Variants in ALPK3 observed in about 807,000 individuals in gnomAD.
ALPK3 encodes the protein alpha-protein kinase 3.
ALPK3 carries 102 observed loss-of-function variants against 140.0 expected under a neutral mutation model. The ratio of observed to expected loss-of-function variants is 0.73; its 90% CI spans 0.62 to 0.86. The LOEUF is 0.86. Among genes scored for constraint, ALPK3 ranks in the 40% least tolerant of loss-of-function variants. ALPK3 has a pLI of 0.00. For synonymous variants in ALPK3, 938 were observed against 898.5 expected (o/e 1.04, Z -0.79); for missense variants, 2,254 against 2,208.2 (o/e 1.02, Z -0.42).
Position 84,840,936 on chromosome 15 carries a change from A to G in ALPK3, c.1653+4A>G. On this transcript the variant is annotated splice_donor_region_variant and intron_variant, in intron 5 of 13. Transcript: ENST00000258888. ...AGGCCACAGGACTCCAGGAGAGGTA[A>G]GTGTGGGTGTTGGGTGCCTGGAGGC... 6.4e-7 allele frequency: 1 copy of G among 1,563,408 alleles called. No homozygotes were observed. The highest frequency in any genetic ancestry group is 2.3e-5 in the East Asian group (1 of 44,266).
chr15:84,857,531 C>T lies in ALPK3; in HGVS notation c.2793C>T (p.Ser931=). Residue 931 remains serine, a synonymous_variant, in exon 6 of 14, where the codon AGC becomes AGT. Coordinates refer to ENST00000258888, the MANE Select transcript of ALPK3 (RefSeq NM_020778.5). ...QSHPPETMAT[S]SEGACAQVPD... ...ACCCACCAGAAACCATGGCCACCAG[C>T]AGTGAGGGGGCCTGCGCCCAGGTAC... is the stretch of plus-strand genomic sequence containing the variant. 6.3e-7 allele frequency: 1 copy of T among 1,592,662 alleles called. No individual in the cohort carries two copies. Among genetic ancestry groups the T allele is most frequent in the South Asian group, 1.1e-5 (1 of 87,068 alleles).
chr15:84,857,773 G>C lies in ALPK3; in HGVS notation c.3035G>C (p.Arg1012Thr). 6.2e-7 allele frequency: 1 copy of C among 1,612,894 alleles called. No individual in the cohort carries two copies. Among genetic ancestry groups the C allele is most frequent in the East Asian group, 2.2e-5 (1 of 44,846 alleles). The change falls in exon 6 of 14, where the codon AGG becomes ACG. Residue 1012 changes from arginine to threonine, a missense_variant. Coordinates refer to ENST00000258888, the MANE Select transcript of ALPK3 (RefSeq NM_020778.5). ...EVAGLSPRTS[R>T]RILERVENNH... ...GCTGGGCTTAGTCCCCGGACATCGA[G>C]GCGCATCCTGGAGCGTGTGGAGAAC...
intron 11 of ALPK3, 119 bp downstream of exon 11, chr15:84,863,759 T>C (rs745713133): frequency 6.4e-6 from 6 of 935,284 alleles, no homozygotes; most frequent in Non-Finnish European, 9.4e-6. Flanking sequence ...GCAAATAGGC[T>C]CACAGCCCCA....
rs370622229 is a variant in ALPK3 at position 84,824,268 on chromosome 15, G to A, written c.182+900G>A. 1.2e-4 allele frequency among the ~76,000 whole-genome samples: 18 copies of A among 152,312 alleles called. 1 individual carries two copies. Among genetic ancestry groups the A allele is most frequent in the East Asian group, 9.6e-4 (5 of 5,182 alleles). On this transcript the variant is annotated intron_variant, in intron 2 of 13. Coordinates refer to ENST00000258888, the MANE Select transcript of ALPK3 (RefSeq NM_020778.5). Reference sequence around the variant, plus strand: ...ATTCTCTGAATCTGCTGCAGAGTCAGGGCAAGGTCTGGGCAGGCTCATGGT... The same window carrying A: ...ATTCTCTGAATCTGCTGCAGAGTCAAGGCAAGGTCTGGGCAGGCTCATGGT...
At chr15:84,838,786 A>AT (rs140758235) in intron 3 of ALPK3, among the ~76,000 whole-genome samples, 194 bp from the exon 4 acceptor site, 3 of 151,686 alleles carry the variant, frequency 2.0e-5, no homozygotes, top group African/African-American at 7.3e-5. Context: ...CGTCCGGGTA[A>AT]TTTTTTTGTA....
At chr15:84,852,710 C>T (rs1164057709) in intron 5 of ALPK3, 8 of 179,810 alleles carry the variant, frequency 4.4e-5, no homozygotes, top group Non-Finnish European at 9.4e-5. Context: ...AAAGCGAAAC[C>T]GTGAATAAGA....
intron 3 of ALPK3, among the ~76,000 whole-genome samples, chr15:84,831,405 C>G (rs1433812712): frequency 6.6e-6 from 1 of 152,072 alleles, no homozygotes; most frequent in Non-Finnish European, 1.5e-5. Flanking sequence ...ATTTTCTTAT[C>G]CTTTATTCCC....
In ALPK3 at chr15:84,856,937, C is replaced by T; in HGVS notation, c.2199C>T (p.Gly733=). The T allele has an allele frequency of 6.2e-7, 1 of 1,613,964 alleles. No homozygotes were observed. Among genetic ancestry groups the T allele is most frequent in the Non-Finnish European group, 8.5e-7 (1 of 1,179,958 alleles). ...QSEQEVATSL[G]PPSRTPKLPP... ...AGCAAGAGGTGGCAACCAGCCTCGG[C>T]CCACCATCCAGAACCCCCAAACTCC... Residue 733 remains glycine, a synonymous_variant, in exon 6 of 14, where the codon GGC becomes GGT. Transcript: ENST00000258888.
rs1414393794 is a variant in ALPK3, at chr15:84,862,752, A to G, written c.4247A>G (p.Tyr1416Cys). Reference sequence around the variant, plus strand: ...AGCGAGGAGCTCCGAGGGGGTGGATATGGGTGTGGCCTTCGGAAGGCCTCC... The same window carrying G: ...AGCGAGGAGCTCCGAGGGGGTGGATGTGGGTGTGGCCTTCGGAAGGCCTCC... ...LVSEELRGGG[Y>C]GCGLRKASQA... Residue 1416 changes from tyrosine (Y) to cysteine (C), a missense_variant, in exon 10 of 14, where the codon TAT becomes TGT. Physicochemically the swap from Tyr to Cys is radical, Grantham distance 194 (BLOSUM62 -2). This residue lies in a region of ALPK3 where 2,088 missense variants were observed against 2,022.9 expected (regional missense o/e 1.03). Transcript: ENST00000258888. 3 of 1,614,114 alleles carry G rather than the reference A, an allele frequency of 1.9e-6. No individual in the cohort carries two copies. The highest frequency in any genetic ancestry group is 4.5e-5 in the East Asian group (2 of 44,848).
At chr15:84,864,122 T>A (rs1342431412) in intron 11 of ALPK3, among the ~76,000 whole-genome samples, 2 of 152,180 alleles carry the variant, frequency 1.3e-5, no homozygotes, top group Admixed American at 6.5e-5. Flanking sequence ...GGTTGAATCC[T>A]CTCTAAAGGT....
At chr15:84,859,698 G>A in intron 7 of ALPK3, 78 bp from the exon 8 acceptor site, 1 of 1,494,150 alleles carries the variant, frequency 6.7e-7, no homozygotes, top group Non-Finnish European at 8.9e-7. Context: ...CAGCCTCTGA[G>A]AGTGGGGTCC....
intron 3 of ALPK3, among the ~76,000 whole-genome samples, chr15:84,832,442 A>G (rs946595391): frequency 1.3e-5 from 2 of 152,224 alleles, no homozygotes; most frequent in Non-Finnish European, 2.9e-5. Context: ...GAGGGAGGGT[A>G]TGAAGATAGA....
At chr15:84,829,079 C>T (rs536605785) in intron 3 of ALPK3, among the ~76,000 whole-genome samples, 1 of 152,280 alleles carries the variant, frequency 6.6e-6, no homozygotes, top group South Asian at 2.1e-4. Flanking sequence ...TACTAAAAGG[C>T]ATATTTCAAA....
At chr15:84,818,680 A>G (rs898899006) in intron 1 of ALPK3, among the ~76,000 whole-genome samples, 3 of 152,222 alleles carry the variant, frequency 2.0e-5, no homozygotes, top group African/African-American at 7.2e-5. Flanking sequence ...GCTGAGTCCT[A>G]CTGACCTTGG....
rs1432395468 is a variant in ALPK3 at position 84,858,416 on chromosome 15, G to T, written c.3678G>T (p.Val1226=). Residue 1226 remains valine, a synonymous_variant, in exon 6 of 14, where the codon GTG becomes GTT. Transcript: ENST00000258888. ...TQGRKASMLE[V]PRAEEELAAG... ...GCAGAAAGGCGAGCATGCTGGAGGT[G>T]CCTCGGGCAGAGGAGGAGCTGGCGG... 1.9e-6 allele frequency: 3 copies of T among 1,558,932 alleles called. No homozygotes were observed. The Admixed American group carries it at 5.8e-5, about 30-fold the overall frequency.
At chr15:84,848,612 C>T (rs978218484) in intron 5 of ALPK3, among the ~76,000 whole-genome samples, 1 of 152,012 alleles carries the variant, frequency 6.6e-6, no homozygotes, top group Non-Finnish European at 1.5e-5. Flanking sequence ...AAAATCTAAA[C>T]CTATAAATAA....
rs1186254012 is a variant in ALPK3 at position 84,872,671 on chromosome 15, G to T, written c.*4215G>T. 1 of 152,184 alleles carries T rather than the reference G, an allele frequency of 6.6e-6. No individual in the cohort carries two copies. The highest frequency in any genetic ancestry group is 1.5e-5 in the Non-Finnish European group (1 of 68,042). 9.4% of individuals were successfully genotyped at this position (152,184 alleles called of 1,614,324 possible). A position where few individuals can be genotyped will look rare whatever the true frequency, so the allele number is the denominator to read the frequency against. On this transcript the variant is annotated 3_prime_UTR_variant, in exon 14 of 14. Coordinates refer to ENST00000258888, the MANE Select transcript of ALPK3 (RefSeq NM_020778.5). ...AACTTTATAGAAGGGGCAGACCTTG[G>T]CATTTTCACATGATTTATCTCCCAC...
chr15:84,850,879 T>TAC (rs4040516), intron 5 of ALPK3, among the ~76,000 whole-genome samples: 11,790 of 142,382 alleles, frequency 0.083, 453 homozygotes, highest in Middle Eastern at 0.1. Flanking sequence ...GTTCCAGATA[T>TAC]ACACACACAC....
intron 9 of ALPK3, among the ~76,000 whole-genome samples, chr15:84,862,374 G>A (rs1963956227): frequency 6.6e-6 from 1 of 151,980 alleles, no homozygotes; most frequent in African/African-American, 2.4e-5. Context: ...TGCTTAGGAC[G>A]CATTTGTGGA....
Sources: gnomAD v4.1 joint callset for allele counts (sites outside exome capture counted in the v4.1 genomes callset) on GRCh38, gnomAD v4.1.1 for gene constraint, gnomAD v4.1.1 regional missense constraint, MANE v1.5 for transcripts, NCBI Gene and HGNC (gene_info 2026-07-23, HGNC 2026-07-21) for gene names.